Variants in MPPED2 observed in about 807,000 individuals in gnomAD.
MPPED2 encodes the protein metallophosphoesterase MPPED2.
In MPPED2, 5 loss-of-function variants were observed where a neutral mutation model predicts 33.0. The ratio of observed to expected loss-of-function variants is 0.15; its 90% CI spans 0.08 to 0.32. MPPED2 has a LOEUF of 0.32. Among genes scored for constraint, MPPED2 ranks in the 10% least tolerant of loss-of-function variants. The pLI is 1.00. For missense variants in MPPED2, 275 were observed against 372.1 expected (o/e 0.74, Z 2.15); for synonymous variants, 136 against 141.9 (o/e 0.96, Z 0.29).
chr11:30,424,713 G>A (rs979446410), intron 4 of MPPED2, among the ~76,000 whole-genome samples: 1 of 152,032 alleles, frequency 6.6e-6, no homozygotes, highest in African/African-American at 2.4e-5. Flanking sequence ...TCTGGATTTT[G>A]TTTAGGAAGG....
chr11:30,504,001 T>C (rs191895765), intron 3 of MPPED2, among the ~76,000 whole-genome samples: 191 of 152,324 alleles, frequency 1.3e-3, no homozygotes, highest in Middle Eastern at 3.4e-3. Flanking sequence ...TAGTCAGACC[T>C]GTTATCACAG....
intron 5 of MPPED2, among the ~76,000 whole-genome samples, chr11:30,415,041 C>T (rs569465022): frequency 7.9e-5 from 12 of 152,162 alleles, no homozygotes; most frequent in Non-Finnish European, 1.8e-4. Context: ...ATGATTATGG[C>T]CTGGAATGGA....
chr11:30,428,552 C>T (rs910325801), intron 4 of MPPED2, among the ~76,000 whole-genome samples: 1 of 152,044 alleles, frequency 6.6e-6, no homozygotes, highest in Admixed American at 6.5e-5. Context: ...GAAGTTGTAG[C>T]GACTTGTCTA....
At chr11:30,421,724 A>G (rs914492287) in intron 4 of MPPED2, among the ~76,000 whole-genome samples, 1 of 152,206 alleles carries the variant, frequency 6.6e-6, no homozygotes, top group South Asian at 2.1e-4. Context: ...CACAATGCTG[A>G]CCAAAACCTA....
At chr11:30,517,785 A>G (rs954217688) in intron 3 of MPPED2, among the ~76,000 whole-genome samples, 7 of 152,172 alleles carry the variant, frequency 4.6e-5, no homozygotes, top group Non-Finnish European at 1.0e-4. Context: ...AAGCTTCTTG[A>G]TCTTTCCTCC....
chr11:30,432,984 T>C (rs1163012187), intron 4 of MPPED2, among the ~76,000 whole-genome samples: 1 of 152,248 alleles, frequency 6.6e-6, no homozygotes, highest in African/African-American at 2.4e-5. Context: ...CTTTTGATAC[T>C]AGGCACATGT....
chr11:30,408,381 C>T (rs1406488437), downstream of MPPED2, among the ~76,000 whole-genome samples: 3 of 152,130 alleles, frequency 2.0e-5, no homozygotes, highest in Admixed American at 6.5e-5. Context: ...ACTCTCTCGG[C>T]GCTCACTGCA....
chr11:30,525,964 T>C (rs1446722980), intron 3 of MPPED2, among the ~76,000 whole-genome samples: 1 of 152,218 alleles, frequency 6.6e-6, no homozygotes, highest in African/African-American at 2.4e-5. Context: ...CAATCTTACT[T>C]ATTTGAGCAT....
chr11:30,582,029 T>C (rs954432304), intron 1 of MPPED2, among the ~76,000 whole-genome samples: 1 of 152,210 alleles, frequency 6.6e-6, no homozygotes, highest in Non-Finnish European at 1.5e-5. Context: ...AAGATATCTA[T>C]AAGAACTGCT....
chr11:30,452,131 A>T, intron 4 of MPPED2: 1 of 980,768 alleles, frequency 1.0e-6, no homozygotes, highest in Non-Finnish European at 1.2e-6. Context: ...TCTACTTAAA[A>T]ATCTTCAAGG....
Position 30,450,408 on chromosome 11 carries a change from T to C in MPPED2, c.537-32775A>G, listed in dbSNP as rs182147458. On this transcript the variant is annotated intron_variant, in intron 4 of 6. Coordinates refer to ENST00000358117, the MANE Select transcript of MPPED2 (RefSeq NM_001584.3). ...TTATTTCAGGTGTGACACAGAGTAATTTGTATATATTATCTCATTGATTCT... is the reference window on the plus strand; with the variant it reads ...TTATTTCAGGTGTGACACAGAGTAACTTGTATATATTATCTCATTGATTCT... Among the ~76,000 whole-genome samples, 23 of 152,292 alleles carry C rather than the reference T, an allele frequency of 1.5e-4. No homozygotes were observed. The East Asian group carries it at 4.0e-3, about 27-fold the overall frequency.
chr11:30,519,047 G>A (rs934242283), intron 3 of MPPED2, among the ~76,000 whole-genome samples: 4 of 151,940 alleles, frequency 2.6e-5, no homozygotes, highest in Admixed American at 6.6e-5. Context: ...TTGAAAGGCC[G>A]GGGCGGGAGG....
chr11:30,431,053 C>T (rs919566632), intron 4 of MPPED2, among the ~76,000 whole-genome samples: 5 of 152,168 alleles, frequency 3.3e-5, no homozygotes, highest in African/African-American at 1.2e-4. Flanking sequence ...GTGAGATGAA[C>T]ACACCTAAGT....
intron 6 of MPPED2, among the ~76,000 whole-genome samples, chr11:30,392,030 G>C (rs1431426847): frequency 6.6e-6 from 1 of 152,156 alleles, no homozygotes; most frequent in Non-Finnish European, 1.5e-5. Context: ...CTTCAAAGAA[G>C]TAGTTGTGAG....
In MPPED2 at chr11:30,495,002, G is replaced by T. The variant is rs1043769785; in HGVS notation, c.536+294C>A. On this transcript the variant is annotated intron_variant, in intron 4 of 6. Coordinates refer to ENST00000358117, the MANE Select transcript of MPPED2 (RefSeq NM_001584.3). ...TTATATAAAAGACTTGAGCATGATGGAATTTTATCAGTGGGAGGTCCTGGA... is the reference window on the plus strand; with the variant it reads ...TTATATAAAAGACTTGAGCATGATGTAATTTTATCAGTGGGAGGTCCTGGA... The T allele has an allele frequency of 2.9e-4, 99 of 337,562 alleles. No individual in the cohort carries two copies. The East Asian group carries it at 5.0e-3, about 17-fold the overall frequency. 20.9% of individuals were successfully genotyped at this position (337,562 alleles called of 1,614,324 possible).
At chr11:30,569,889 T>C (rs1404256659) in intron 2 of MPPED2, among the ~76,000 whole-genome samples, 1 of 152,160 alleles carries the variant, frequency 6.6e-6, no homozygotes, top group Non-Finnish European at 1.5e-5. Flanking sequence ...CTAGGGATGC[T>C]GACCTGCTCC....
chr11:30,387,870 C>A (rs666936), exon 7 of MPPED2: 1 of 152,288 alleles, frequency 6.6e-6, no homozygotes, highest in East Asian at 1.9e-4. Flanking sequence ...TAGAGTTCAA[C>A]AGTAGGGATC....
In MPPED2 at chr11:30,575,795, G is replaced by A. The variant is rs567391752; in HGVS notation, c.128+4451C>T. On this transcript the variant is annotated intron_variant, in intron 2 of 6. Coordinates refer to ENST00000358117, the MANE Select transcript of MPPED2 (RefSeq NM_001584.3). ...CCCGCCTTGGGACTGCCACTCCCGT[G>A]GAGTAACTGGAGGTGGATGAGACAC... Among the ~76,000 whole-genome samples, 25 of 152,250 alleles carry A rather than the reference G, an allele frequency of 1.6e-4. No homozygotes were observed. In the South Asian group the frequency reaches 5.2e-3, roughly 32 times the overall value.
intron 3 of MPPED2, among the ~76,000 whole-genome samples, chr11:30,522,392 A>G: frequency 2.6e-5 from 1 of 39,074 alleles, no homozygotes; most frequent in South Asian, 9.0e-4. Context: ...AAACATACAC[A>G]CACACACACA....
Sources: gnomAD v4.1 joint callset for allele counts (sites outside exome capture counted in the v4.1 genomes callset) on GRCh38, gnomAD v4.1.1 for gene constraint, MANE v1.5 for transcripts, NCBI Gene and HGNC (gene_info 2026-07-23, HGNC 2026-07-21) for gene names.